SLC2A4: variants seen among roughly 807,000 people sequenced by gnomAD.
SLC2A4 encodes the protein solute carrier family 2 member 4.
In SLC2A4, 31 loss-of-function variants were observed where a neutral mutation model predicts 53.3. The observed-to-expected ratio is 0.58, with a 90% CI of 0.44 to 0.78. The LOEUF (loss-of-function observed/expected upper bound fraction) is 0.78, where lower values mean the gene tolerates loss of function less well. SLC2A4 is among the 30% of genes least tolerant of loss of function. SLC2A4 has a pLI of 0.00. For missense variants in SLC2A4, 538 were observed against 655.7 expected (o/e 0.82, Z 1.96); for synonymous variants, 276 against 281.9 (o/e 0.98, Z 0.21).
rs773173110 is a variant in SLC2A4 at position 7,286,502 on chromosome 17, T to C, written c.1403T>C (p.Val468Ala). ...TTCTTCATCTTCACCTTCTTAAGAG[T>C]ACCTGAAACTCGAGGCCGGACGTTT... is the stretch of plus-strand genomic sequence containing the variant. ...LGFFIFTFLR[V>A]PETRGRTFDQ... The change falls in exon 11 of 11, where the codon GTA (valine) becomes GCA (alanine). Residue 468 changes from valine (V) to alanine (A), a missense_variant. Transcript: ENST00000317370. 6.8e-6 allele frequency: 11 copies of C among 1,613,990 alleles called. No homozygotes were observed. The highest frequency in any genetic ancestry group is 5.0e-5 in the Admixed American group (3 of 59,990).
At position 7,284,156 on chromosome 17, in the gene SLC2A4, G is replaced by C; in HGVS notation, c.565-61G>C. ...AGTGGGGCTCTGGAGAATATGGTGG[G>C]CTTCCAAGGTAAGGCAGAAGGGCTG... On this transcript the variant is annotated intron_variant, in intron 5 of 10. Coordinates refer to ENST00000317370, the MANE Select transcript of SLC2A4 (RefSeq NM_001042.3). The surrounding 1 kb of genome is among the most constrained non-coding windows in gnomAD (Gnocchi z 7.5). 2 of 1,610,312 alleles carry C rather than the reference G, an allele frequency of 1.2e-6. No individual in the cohort carries two copies. The highest frequency in any genetic ancestry group is 8.5e-7 in the Non-Finnish European group (1 of 1,178,226).
chr17:7,283,726 T>A lies in SLC2A4; in HGVS notation c.324-12T>A. On this transcript the variant is annotated splice_polypyrimidine_tract_variant and intron_variant, in intron 3 of 10. Coordinates refer to ENST00000317370, the MANE Select transcript of SLC2A4 (RefSeq NM_001042.3). The surrounding 1 kb of genome is among the most constrained non-coding windows in gnomAD (Gnocchi z 5.8). ...CCCTCACCCTCACAGCCTCACTCTG[T>A]CTGCCTGCCAGGAAAAGGGCCATGC... 6.2e-7 allele frequency: 1 copy of A among 1,613,980 alleles called. No homozygotes were observed.
At position 7,283,951 on chromosome 17, in the gene SLC2A4, C is replaced by A. The variant is rs775890581; in HGVS notation, c.449-23C>A. On this transcript the variant is annotated intron_variant, in intron 4 of 10. Coordinates refer to ENST00000317370, the MANE Select transcript of SLC2A4 (RefSeq NM_001042.3). The surrounding 1 kb of genome is among the most constrained non-coding windows in gnomAD (Gnocchi z 5.8). ...GATGGGAATGGACACCTGCCCTCAGCCCTCTCTTCTTCCCTCGCCCAGGGC... is the reference window on the plus strand; with the variant it reads ...GATGGGAATGGACACCTGCCCTCAGACCTCTCTTCTTCCCTCGCCCAGGGC... The A allele has an allele frequency of 1.2e-6, 2 of 1,612,912 alleles. No homozygotes were observed. Among genetic ancestry groups the A allele is most frequent in the African/African-American group, 2.7e-5 (2 of 74,910 alleles).
In SLC2A4 at chr17:7,288,082, T is replaced by C. The variant is rs2072467374; in HGVS notation, c.*1453T>C. ...ACTCTGTGAGGGAGGTGTCAGCCCA[T>C]GTCACAGATGGGCAGTGAAACCCAT... is the stretch of plus-strand genomic sequence containing the variant. On this transcript the variant is annotated 3_prime_UTR_variant, in exon 11 of 11. Coordinates refer to ENST00000317370, the MANE Select transcript of SLC2A4 (RefSeq NM_001042.3). The C allele has an allele frequency of 6.6e-6, 1 of 152,386 alleles. No homozygotes were observed. The highest frequency in any genetic ancestry group is 1.5e-5 in the Non-Finnish European group (1 of 68,140). 9.4% of individuals were successfully genotyped at this position (152,386 alleles called of 1,614,324 possible).
At chr17:7,286,397 G>A (rs368346562) in intron 10 of SLC2A4, 29 bp from the exon 11 acceptor site, 65 of 1,605,746 alleles carry the variant, frequency 4.0e-5, no homozygotes, top group Non-Finnish European at 5.0e-5. Context: ...ACCTCACTCC[G>A]TCAACACCTC....
intron 10 of SLC2A4, 90 bp from the exon 11 acceptor site, chr17:7,286,336 C>T (rs1292176859): frequency 1.9e-6 from 2 of 1,051,510 alleles, no homozygotes; most frequent in South Asian, 1.3e-5. Context: ...CCCCCAGCTC[C>T]CTATGAAGGC....
Position 7,282,044 on chromosome 17 carries a change from A to C in SLC2A4, c.33+77A>C, listed in dbSNP as rs1206611180. The C allele has an allele frequency of 1.6e-6, 2 of 1,224,146 alleles. No homozygotes were observed. The highest frequency in any genetic ancestry group is 2.4e-6 in the Non-Finnish European group (2 of 848,548). 75.8% of individuals were successfully genotyped at this position (1,224,146 alleles called of 1,614,324 possible). On this transcript the variant is annotated intron_variant, in intron 1 of 10. Transcript: ENST00000317370. This position sits in a 1 kb window ranked among gnomAD's most constrained non-coding sequence, Gnocchi z 4.1. ...TTGGGCTGGGGTCGCGGTTGGGGTC[A>C]GCTGGGGGTGGTTCCTGCGCAGGCG... is the stretch of plus-strand genomic sequence containing the variant.
At chr17:7,281,991 G>T in intron 1 of SLC2A4, 24 bp downstream of exon 1, 1 of 1,555,406 alleles carries the variant, frequency 6.4e-7, no homozygotes, top group Non-Finnish European at 8.8e-7. Context: ...TGAGGGGGCG[G>T]GGCGGGGGGG....
Position 7,284,034 on chromosome 17 carries a change from G to A in SLC2A4, c.509G>A (p.Gly170Asp), listed in dbSNP as rs140466829. The change falls in exon 5 of 11, where the codon GGC (glycine) becomes GAC (aspartate). Residue 170 changes from glycine (G) to aspartate (D), a missense_variant. By Grantham distance (94) the Gly-to-Asp change is moderately conservative (BLOSUM62 -1). Coordinates refer to ENST00000317370, the MANE Select transcript of SLC2A4 (RefSeq NM_001042.3). The surrounding 1 kb of genome is among the most constrained non-coding windows in gnomAD (Gnocchi z 7.5). ...VGEIAPTHLR[G>D]ALGTLNQLAI... ...GAGATTGCTCCCACTCACCTGCGGG[G>A]CGCCCTGGGGACGCTCAACCAACTG... is the stretch of plus-strand genomic sequence containing the variant. 96 of 1,613,858 alleles carry A rather than the reference G, an allele frequency of 5.9e-5. No homozygotes were observed. Among genetic ancestry groups the A allele is most frequent in the Non-Finnish European group, 8.0e-5 (94 of 1,179,960 alleles).
chr17:7,283,366 G>A lies in SLC2A4; in HGVS notation c.150+5G>A. On this transcript the variant is annotated splice_donor_5th_base_variant and intron_variant, in intron 2 of 10. Transcript: ENST00000317370. This position sits in a 1 kb window ranked among gnomAD's most constrained non-coding sequence, Gnocchi z 5.8. Reference sequence around the variant, plus strand: ...GTCATCAATGCCCCTCAGAAGGTGAGGGCCTGCAGCTGGCAGGGTGGGGGT... The same window carrying A: ...GTCATCAATGCCCCTCAGAAGGTGAAGGCCTGCAGCTGGCAGGGTGGGGGT... 1 of 1,613,010 alleles carries A rather than the reference G, an allele frequency of 6.2e-7. No homozygotes were observed. The highest frequency in any genetic ancestry group is 8.5e-7 in the Non-Finnish European group (1 of 1,179,122).
Position 7,281,918 on chromosome 17 carries a change from A to C in SLC2A4, c.-17A>C, listed in dbSNP as rs375240848. 4.4e-6 allele frequency: 7 copies of C among 1,589,666 alleles called. No individual in the cohort carries two copies. In the African/African-American group the frequency reaches 8.1e-5, roughly 18 times the overall value. ...TCATCTTCGCCGCCCCTGCGCGTCC[A>C]GCTCTTCTAAGACGAGATGCCGTCG... On this transcript the variant is annotated 5_prime_UTR_variant, in exon 1 of 11. Coordinates refer to ENST00000317370, the MANE Select transcript of SLC2A4 (RefSeq NM_001042.3).
chr17:7,284,830 T>C lies in SLC2A4; in HGVS notation c.916-5T>C, dbSNP rs551355470. The C allele has an allele frequency of 2.5e-6, 4 of 1,614,182 alleles. No individual in the cohort carries two copies. The highest frequency in any genetic ancestry group is 1.3e-5 in the African/African-American group (1 of 75,052). ...CCATCACTTCTTCTTCTCCCCCACC[T>C]CTAGGTTTTCTATTATTCGACCAGC... On this transcript the variant is annotated splice_region_variant and splice_polypyrimidine_tract_variant and intron_variant, in intron 7 of 10. Transcript: ENST00000317370. The surrounding 1 kb of genome is among the most constrained non-coding windows in gnomAD (Gnocchi z 7.5).
Position 7,286,340 on chromosome 17 carries a change from T to C in SLC2A4, c.1327-86T>C, listed in dbSNP as rs866550947. 1.0e-4 allele frequency: 115 copies of C among 1,102,740 alleles called. No individual in the cohort carries two copies. In the Middle Eastern group the frequency reaches 2.2e-3, roughly 21 times the overall value. 68.3% of individuals were successfully genotyped at this position (1,102,740 alleles called of 1,614,324 possible). ...TGTCTGCCGTCCCCCCAGCTCCCTA[T>C]GAAGGCCTTTAGCTCCTGGTTGCCT... is the stretch of plus-strand genomic sequence containing the variant. On this transcript the variant is annotated intron_variant, in intron 10 of 10. Transcript: ENST00000317370.
At position 7,284,951 on chromosome 17, in the gene SLC2A4, C is replaced by T. The variant is rs374349125; in HGVS notation, c.1020+12C>T. ...TCACCTTGGTCTCGGTAACTGCTCACCTCTGGAATGGCCCGAGCCACTGGC... is the reference window on the plus strand; with the variant it reads ...TCACCTTGGTCTCGGTAACTGCTCATCTCTGGAATGGCCCGAGCCACTGGC... On this transcript the variant is annotated intron_variant, in intron 8 of 10. Transcript: ENST00000317370. This position sits in a 1 kb window ranked among gnomAD's most constrained non-coding sequence, Gnocchi z 7.5. 24 of 1,614,120 alleles carry T rather than the reference C, an allele frequency of 1.5e-5. No individual in the cohort carries two copies. In the African/African-American group the frequency reaches 3.1e-4, roughly 21 times the overall value.
In SLC2A4 at chr17:7,287,139, T is replaced by G. The variant is rs914184273; in HGVS notation, c.*510T>G. On this transcript the variant is annotated 3_prime_UTR_variant, in exon 11 of 11. Coordinates refer to ENST00000317370, the MANE Select transcript of SLC2A4 (RefSeq NM_001042.3). ...GGTTTTTTTTTTTTTTTTTTTTTTT[T>G]TTTTTGAGACAGTCTCGCTCTGTCG... 2 of 161,282 alleles carry G rather than the reference T, an allele frequency of 1.2e-5. No individual in the cohort carries two copies. Among genetic ancestry groups the G allele is most frequent in the African/African-American group, 5.1e-5 (2 of 39,382 alleles). The allele number at this position is 161,282 out of a possible 1,614,324, so 10.0% of individuals were successfully genotyped here. A position where few individuals can be genotyped will look rare whatever the true frequency, so the allele number is the denominator to read the frequency against.
rs5435 is a variant in SLC2A4, at chr17:7,283,804, T to C, written c.390T>C (p.Asn130=). Residue 130 remains asparagine (N), a synonymous_variant, in exon 4 of 11, where the codon AAT becomes AAC. Coordinates refer to ENST00000317370, the MANE Select transcript of SLC2A4 (RefSeq NM_001042.3). This position sits in a 1 kb window ranked among gnomAD's most constrained non-coding sequence, Gnocchi z 5.8. ...GGGGCAGCCTCATGGGCCTGGCCAA[T>C]GCTGCTGCCTCCTATGAAATGCTCA... ...VLGGSLMGLA[N]AAASYEMLIL... 1,027,489 of 1,613,772 alleles carry C rather than the reference T, an allele frequency of 0.64. 329,905 individuals are homozygous for C. The highest frequency in any genetic ancestry group is 0.86 in the African/African-American group (64,331 of 75,002).
At position 7,284,583 on chromosome 17, in the gene SLC2A4, C is replaced by A. The variant is rs769640099; in HGVS notation, c.826C>A (p.Leu276Ile). 1 of 1,614,208 alleles carries A rather than the reference C, an allele frequency of 6.2e-7. No individual in the cohort carries two copies. Among genetic ancestry groups the A allele is most frequent in the South Asian group, 1.1e-5 (1 of 91,090 alleles). ...KLERERPLSL[L>I]QLLGSRTHRQ... Reference sequence around the variant, plus strand: ...GGAGCGTGAGCGGCCACTGTCCCTGCTCCAGCTCCTGGGCAGCCGTACCCA... The same window carrying A: ...GGAGCGTGAGCGGCCACTGTCCCTGATCCAGCTCCTGGGCAGCCGTACCCA... The change falls in exon 7 of 11, where the codon CTC becomes ATC. Residue 276 changes from leucine (L) to isoleucine (I), a missense_variant. Transcript: ENST00000317370. The surrounding 1 kb of genome is among the most constrained non-coding windows in gnomAD (Gnocchi z 7.5).
rs1376647475 is a variant in SLC2A4 at position 7,282,449 on chromosome 17, G to C, written c.33+482G>C. 2.2e-6 allele frequency: 1 copy of C among 455,590 alleles called. No individual in the cohort carries two copies. Among genetic ancestry groups the C allele is most frequent in the South Asian group, 1.6e-5 (1 of 64,446 alleles). The allele number at this position is 455,590 out of a possible 1,614,324, so 28.2% of individuals were successfully genotyped here. On this transcript the variant is annotated intron_variant, in intron 1 of 10. Transcript: ENST00000317370. The surrounding 1 kb of genome is among the most constrained non-coding windows in gnomAD (Gnocchi z 4.1). The stretch of plus-strand genomic sequence containing the variant: ...CCCATGGTTGGTGGAGGGGCAGAGG[G>C]GACTGTCAGCCCCCCCTCCTCCAGC...
rs200651340 is a variant in SLC2A4, at chr17:7,286,519, C to T, written c.1420C>T (p.Arg474Trp). The T allele has an allele frequency of 3.7e-6, 6 of 1,614,184 alleles. No homozygotes were observed. The highest frequency in any genetic ancestry group is 2.2e-5 in the East Asian group (1 of 44,888). Reference sequence around the variant, plus strand: ...CTTAAGAGTACCTGAAACTCGAGGCCGGACGTTTGACCAGATCTCAGCTGC... The same window carrying T: ...CTTAAGAGTACCTGAAACTCGAGGCTGGACGTTTGACCAGATCTCAGCTGC... Reference protein sequence around the residue: ...TFLRVPETRGRTFDQISAAFH... With the variant: ...TFLRVPETRGWTFDQISAAFH... The change falls in exon 11 of 11, where the codon CGG becomes TGG. Residue 474 changes from arginine to tryptophan, a missense_variant. Coordinates refer to ENST00000317370, the MANE Select transcript of SLC2A4 (RefSeq NM_001042.3).
Sources: allele counts gnomAD v4.1 joint callset, GRCh38; gene constraint gnomAD v4.1.1; non-coding constraint Gnocchi (gnomAD v3.1); transcripts MANE v1.5; gene names NCBI Gene and HGNC (gene_info 2026-07-23, HGNC 2026-07-21).